MBD2: variants seen among roughly 807,000 people sequenced by gnomAD.
The protein encoded by MBD2 is methyl-CpG binding domain protein 2.
In MBD2, 9 loss-of-function variants were observed where a neutral mutation model predicts 39.3. The ratio of observed to expected loss-of-function variants is 0.23; its 90% CI spans 0.14 to 0.40. The LOEUF (loss-of-function observed/expected upper bound fraction) is 0.40, where lower values mean the gene tolerates loss of function less well. Ranked by LOEUF, MBD2 falls within the 10% of genes least tolerant of loss-of-function variation. The probability of loss-of-function intolerance (pLI) is 1.00; values close to 1 mark genes in which losing one functional copy is unlikely to be tolerated. For synonymous variants in MBD2, 233 were observed against 211.1 expected, an observed-to-expected ratio of 1.10 and a Z score of -0.90; for missense variants, 458 against 532.6, an observed-to-expected ratio of 0.86 and a Z score of 1.38.
At chr18:54,179,743 A>G (rs1233529940) in intron 3 of MBD2, among the ~76,000 whole-genome samples, 1 of 152,200 alleles carries the variant, frequency 6.6e-6, no homozygotes, top group Non-Finnish European at 1.5e-5. Flanking sequence ...AATCTGACAA[A>G]GAATATTTAC....
At chr18:54,202,376 C>T (rs2086414894) in intron 2 of MBD2, among the ~76,000 whole-genome samples, 1 of 152,110 alleles carries the variant, frequency 6.6e-6, no homozygotes, top group African/African-American at 2.4e-5. Context: ...AGATTCACAA[C>T]CACAAAGCAA....
chr18:54,171,007 T>C (rs2086175708), intron 3 of MBD2, among the ~76,000 whole-genome samples: 2 of 152,240 alleles, frequency 1.3e-5, no homozygotes, highest in Non-Finnish European at 2.9e-5. Flanking sequence ...ATTCAATAGA[T>C]CTGGGATTAG....
At chr18:54,216,358 A>C (rs2086561713) in intron 1 of MBD2, among the ~76,000 whole-genome samples, 1 of 152,258 alleles carries the variant, frequency 6.6e-6, no homozygotes, top group Non-Finnish European at 1.5e-5. Context: ...GTATACAGCC[A>C]GATTAACCAT....
chr18:54,189,086 TCTATTACTTTAAATC>T, intron 2 of MBD2, 75 bp from the exon 3 acceptor site: 1 of 958,188 alleles, frequency 1.0e-6, no homozygotes. Flanking sequence ...TAATTCAATA[TCTATTACTTTAAATC>T]AAATTATTCC....
At chr18:54,197,099 G>A (rs115847450) in intron 2 of MBD2, among the ~76,000 whole-genome samples, 4,069 of 152,218 alleles carry the variant, frequency 0.027, 183 homozygotes, top group African/African-American at 0.093. Context: ...ACATGAACTC[G>A]TTCTACTGTC....
chr18:54,167,654 G>A (rs2086144215), intron 3 of MBD2, among the ~76,000 whole-genome samples: 1 of 152,170 alleles, frequency 6.6e-6, no homozygotes, highest in South Asian at 2.1e-4. Context: ...TATGTCAGAA[G>A]AGCAATATGC....
At chr18:54,161,431 T>G (rs958105399) in intron 5 of MBD2, among the ~76,000 whole-genome samples, 4 of 152,218 alleles carry the variant, frequency 2.6e-5, no homozygotes, top group Non-Finnish European at 5.9e-5. Context: ...TGTTTATTTC[T>G]TATACAGTTA....
chr18:54,162,557 A>G (rs181994794), intron 5 of MBD2, among the ~76,000 whole-genome samples: 6 of 152,344 alleles, frequency 3.9e-5, no homozygotes, highest in African/African-American at 1.2e-4. Context: ...AGTTTCCTCA[A>G]CTATCAAAAG....
chr18:54,205,119 G>A lies in MBD2; in HGVS notation c.581C>T (p.Ala194Val). ...ATCAACAGTATTTCCCAGGTACCTT[G>A]CCAACTGAGGCTTGCTTCTGAACTT... is the stretch of plus-strand genomic sequence containing the variant. Reference protein sequence around the residue: ...GKKFRSKPQLARYLGNTVDLS... With the variant: ...GKKFRSKPQLVRYLGNTVDLS... The change falls in exon 2 of 7, where the codon GCA (alanine) becomes GTA (valine). Residue 194 changes from alanine to valine, a missense_variant. Ala to Val is a moderately conservative substitution (Grantham distance 64, BLOSUM62 0). This residue lies in a region of MBD2 where 189 missense variants were observed against 296.6 expected (regional missense o/e 0.64). Transcript: ENST00000256429. The A allele has an allele frequency of 6.2e-7, 1 of 1,613,838 alleles. No individual in the cohort carries two copies. The highest frequency in any genetic ancestry group is 1.1e-5 in the South Asian group (1 of 90,996).
chr18:54,223,881 G>T (rs2086635456), intron 1 of MBD2, 137 bp downstream of exon 1: 2 of 674,426 alleles, frequency 3.0e-6, no homozygotes, highest in East Asian at 3.4e-5. Context: ...CAAGGGTTCC[G>T]CCACCTTCCA....
chr18:54,174,143 G>C (rs1454394368), intron 3 of MBD2, among the ~76,000 whole-genome samples: 1 of 152,200 alleles, frequency 6.6e-6, no homozygotes, highest in African/African-American at 2.4e-5. Flanking sequence ...TTATCAGCTT[G>C]CTTGGTTTAT....
At chr18:54,159,698 G>C (rs915674623) in intron 6 of MBD2, 67 bp downstream of exon 6, 65 of 1,557,070 alleles carry the variant, frequency 4.2e-5, no homozygotes, top group Non-Finnish European at 5.6e-5. Context: ...ATTACAGGCA[G>C]AAGCACTATG....
intron 1 of MBD2, among the ~76,000 whole-genome samples, chr18:54,213,114 G>C (rs2086523903): frequency 6.6e-6 from 1 of 150,712 alleles, no homozygotes; most frequent in African/African-American, 2.5e-5. Context: ...TAAAGTATAA[G>C]GAAAAAATTT....
At chr18:54,164,206 G>C (rs2086114945) in intron 5 of MBD2, among the ~76,000 whole-genome samples, 1 of 152,152 alleles carries the variant, frequency 6.6e-6, no homozygotes, top group Non-Finnish European at 1.5e-5. Flanking sequence ...CTTTAGAATA[G>C]AAAGTCAGAA....
At chr18:54,164,018 G>A (rs1271274564) in intron 5 of MBD2, among the ~76,000 whole-genome samples, 1 of 152,014 alleles carries the variant, frequency 6.6e-6, no homozygotes, top group South Asian at 2.1e-4. Flanking sequence ...CAAGTAGCTG[G>A]GACTACAGTT....
At chr18:54,191,274 G>A (rs1005099819) in intron 2 of MBD2, among the ~76,000 whole-genome samples, 3 of 152,138 alleles carry the variant, frequency 2.0e-5, no homozygotes, top group South Asian at 2.1e-4. Flanking sequence ...TTCTATTAAG[G>A]TCTCAGGTGA....
chr18:54,193,218 G>A (rs139319441), intron 2 of MBD2, among the ~76,000 whole-genome samples: 2 of 152,234 alleles, frequency 1.3e-5, no homozygotes, highest in Non-Finnish European at 2.9e-5. Flanking sequence ...GAATCTAAAG[G>A]ACCAATCTAC....
At chr18:54,165,734 TA>T (rs2086126359) in intron 4 of MBD2, among the ~76,000 whole-genome samples, 7 of 152,222 alleles carry the variant, frequency 4.6e-5, no homozygotes. Flanking sequence ...GATGTTGCTA[TA>T]AGCAGGAAGC....
At chr18:54,221,230 G>T (rs1312463597) in intron 1 of MBD2, among the ~76,000 whole-genome samples, 1 of 151,972 alleles carries the variant, frequency 6.6e-6, no homozygotes, top group African/African-American at 2.4e-5. Context: ...GGCCAAGGCG[G>T]GTGGATCACG....
Sources: allele counts gnomAD v4.1 joint callset (sites outside exome capture counted in the v4.1 genomes callset), GRCh38; gene constraint gnomAD v4.1.1; regional missense constraint gnomAD v4.1.1; transcripts MANE v1.5; gene names NCBI Gene and HGNC (gene_info 2026-07-23, HGNC 2026-07-21).